TMSB15B: variants seen among roughly 807,000 people sequenced by gnomAD.
The protein encoded by TMSB15B is thymosin beta 15B.
At chrX:103,931,958 T>C in intron 1 of TMSB15B, 1 of 111,712 alleles carries the variant, frequency 9.0e-6, no homozygotes, top group African/African-American at 3.3e-5. Flanking sequence ...AGGAACTGGG[T>C]TTGGTTAGCT....
chrX:103,923,291 G>A (rs1261499398), intron 1 of TMSB15B, among the ~76,000 whole-genome samples: 5 of 111,968 alleles, frequency 4.5e-5, no homozygotes, highest in African/African-American at 1.6e-4. Context: ...CCTATGTCCT[G>A]AATGGCATTG....
At chrX:103,922,649 T>G (rs1341180514) in intron 1 of TMSB15B, among the ~76,000 whole-genome samples, 2 of 111,518 alleles carry the variant, frequency 1.8e-5, no homozygotes, top group Non-Finnish European at 3.8e-5. Flanking sequence ...CTATCGTGAA[T>G]AGTGCTGCAA....
intron 1 of TMSB15B, among the ~76,000 whole-genome samples, chrX:103,938,289 T>G (rs1276118357): frequency 3.6e-5 from 4 of 111,984 alleles, no homozygotes; most frequent in African/African-American, 1.3e-4. Flanking sequence ...TATTATTGTG[T>G]GGGAGTCTAA....
chrX:103,939,635 G>A (rs1314591200), intron 1 of TMSB15B, among the ~76,000 whole-genome samples: 1 of 110,709 alleles, frequency 9.0e-6, no homozygotes, highest in African/African-American at 3.3e-5. Flanking sequence ...TGTTATTACC[G>A]ACCTTCTGAA....
At chrX:103,944,062 T>C (rs1170479994) in intron 1 of TMSB15B, among the ~76,000 whole-genome samples, 1 of 112,316 alleles carries the variant, frequency 8.9e-6, no homozygotes, top group African/African-American at 3.2e-5. Flanking sequence ...TCTTTTAATT[T>C]GCCTTGACTT....
chrX:103,938,456 T>C (rs1372591453), intron 1 of TMSB15B, among the ~76,000 whole-genome samples: 4 of 112,042 alleles, frequency 3.6e-5, no homozygotes, highest in African/African-American at 1.3e-4. Flanking sequence ...TTAAAGTCTG[T>C]TTTATCAGAG....
At chrX:103,926,998 G>T (rs1187572610) in intron 1 of TMSB15B, among the ~76,000 whole-genome samples, 1 of 110,414 alleles carries the variant, frequency 9.1e-6, no homozygotes, top group Non-Finnish European at 1.9e-5. Context: ...TTTCCTCCCC[G>T]GCAAACTCCC....
intron 1 of TMSB15B, among the ~76,000 whole-genome samples, chrX:103,943,830 G>C (rs1351642227): frequency 8.9e-6 from 1 of 111,753 alleles, no homozygotes; most frequent in Admixed American, 9.5e-5. Context: ...CATTTTTAAA[G>C]GCCCAATTCA....
intron 1 of TMSB15B, among the ~76,000 whole-genome samples, chrX:103,941,029 C>T (rs1313701070): frequency 2.7e-5 from 3 of 111,144 alleles, no homozygotes; most frequent in Admixed American, 9.5e-5. Context: ...GCTCGCCCTC[C>T]GTGGGCTGCA....
At chrX:103,935,628 G>C (rs2074995525) in intron 1 of TMSB15B, among the ~76,000 whole-genome samples, 1 of 111,021 alleles carries the variant, frequency 9.0e-6, no homozygotes, top group East Asian at 2.8e-4. Flanking sequence ...TGTCAGATTT[G>C]TCAAAGATCA....
chrX:103,926,359 T>TG (rs1182097345), intron 1 of TMSB15B, among the ~76,000 whole-genome samples: 1 of 73,895 alleles, frequency 1.4e-5, no homozygotes, highest in African/African-American at 5.5e-5. Context: ...ATGGATGGAG[T>TG]GGGGTGGGGT....
At chrX:103,943,925 C>G (rs1157532606) in intron 1 of TMSB15B, among the ~76,000 whole-genome samples, 4 of 112,123 alleles carry the variant, frequency 3.6e-5, no homozygotes, top group African/African-American at 1.3e-4. Flanking sequence ...TGGTACTTAT[C>G]AACCTTGATG....
In TMSB15B at chrX:103,932,064, T is replaced by C. The variant is rs189137282; in HGVS notation, c.-721+12772T>C. On this transcript the variant is annotated intron_variant, in intron 1 of 3. Transcript: ENST00000419165. ...CTTCCCCAGTACCTCACCCTATGCATCTCTTCATCTCTATCCTTTGCAATA... is the reference window on the plus strand; with the variant it reads ...CTTCCCCAGTACCTCACCCTATGCACCTCTTCATCTCTATCCTTTGCAATA... The C allele has an allele frequency of 2.7e-5, 3 of 112,033 alleles. No homozygotes were observed. The East Asian group carries it at 8.4e-4, about 31-fold the overall frequency. 9.2% of individuals were successfully genotyped at this position (112,033 alleles called of 1,213,427 possible).
chrX:103,944,685 A>T (rs782457766), intron 1 of TMSB15B, among the ~76,000 whole-genome samples: 1 of 112,338 alleles, frequency 8.9e-6, no homozygotes, highest in Admixed American at 9.4e-5. Context: ...CGCAACTCAA[A>T]CAGTACTTAT....
chrX:103,944,130 G>T (rs1276537655), intron 1 of TMSB15B, among the ~76,000 whole-genome samples: 1 of 111,513 alleles, frequency 9.0e-6, no homozygotes, highest in African/African-American at 3.3e-5. Flanking sequence ...GCAGAAATAG[G>T]GTGTTATTCA....
chrX:103,931,907 A>T (rs1257166733), intron 1 of TMSB15B: 1 of 111,168 alleles, frequency 9.0e-6, no homozygotes, highest in African/African-American at 3.3e-5. Context: ...CAATGATTTA[A>T]TCAATCATAC....
intron 1 of TMSB15B, among the ~76,000 whole-genome samples, chrX:103,924,704 A>C (rs1382133519): frequency 1.8e-5 from 2 of 111,490 alleles, no homozygotes; most frequent in African/African-American, 6.5e-5. Context: ...TGAACAGACA[A>C]ATGCATTCAT....
At chrX:103,921,505 G>A (rs782198611) in intron 1 of TMSB15B, among the ~76,000 whole-genome samples, 1 of 111,954 alleles carries the variant, frequency 8.9e-6, no homozygotes, top group South Asian at 3.8e-4. Context: ...TTGTGTAAAG[G>A]TGCCAGAGTT....
chrX:103,942,280 A>G (rs1189003681), intron 1 of TMSB15B, among the ~76,000 whole-genome samples: 1 of 111,730 alleles, frequency 9.0e-6, no homozygotes, highest in Admixed American at 9.5e-5. Context: ...TATACTTGGA[A>G]TTGATTTTCA....
Sources: allele counts gnomAD v4.1 joint callset (sites outside exome capture counted in the v4.1 genomes callset), GRCh38; gene constraint gnomAD v4.1.1; transcripts MANE v1.5; gene names NCBI Gene and HGNC (gene_info 2026-07-23, HGNC 2026-07-21).